F13A1: variants seen among roughly 807,000 people sequenced by gnomAD.
The protein encoded by F13A1 is FSF, A subunit.
F13A1 carries 47 observed loss-of-function variants against 80.1 expected under a neutral mutation model. That is an observed-to-expected ratio of 0.59 (90% CI 0.46 to 0.75). The LOEUF is 0.75. F13A1 is among the 30% of genes least tolerant of loss of function. The pLI is 0.00. For synonymous variants in F13A1, 349 were observed against 344.9 expected (o/e 1.01, Z -0.13); for missense variants, 817 against 930.4 (o/e 0.88, Z 1.59).
chr6:6,152,074 G>A (rs778134349), intron 13 of F13A1, 125 bp from the exon 14 acceptor site: 408 of 1,122,196 alleles, frequency 3.6e-4, no homozygotes, highest in Non-Finnish European at 4.5e-4. Flanking sequence ...TGGAACCAGT[G>A]TGATGAGGAT....
intron 8 of F13A1, among the ~76,000 whole-genome samples, chr6:6,204,879 T>TAAC (rs1332227760): frequency 6.6e-6 from 1 of 152,214 alleles, no homozygotes; most frequent in African/African-American, 2.4e-5. Context: ...ATTTGGATGT[T>TAAC]AACTGGCGTC....
chr6:6,217,164 C>T (rs1757105220), intron 8 of F13A1, among the ~76,000 whole-genome samples: 1 of 151,008 alleles, frequency 6.6e-6, no homozygotes, highest in Admixed American at 6.6e-5. Flanking sequence ...TTGACCCAGC[C>T]ATCCCATTAC....
chr6:6,290,748 G>A (rs1347207561), intron 3 of F13A1, among the ~76,000 whole-genome samples: 8 of 152,110 alleles, frequency 5.3e-5, no homozygotes, highest in East Asian at 1.9e-4. Flanking sequence ...AAATAAACAC[G>A]TTGATCATCA....
intron 3 of F13A1, among the ~76,000 whole-genome samples, chr6:6,290,138 A>G (rs549815903): frequency 3.9e-5 from 6 of 152,388 alleles, no homozygotes; most frequent in African/African-American, 1.4e-4. Context: ...AAAAGAAAAT[A>G]AATAGGCTTT....
chr6:6,145,606 G>GC lies in F13A1; in HGVS notation c.*12dup. 1 of 1,614,074 alleles carries GC rather than the reference G, an allele frequency of 6.2e-7. No individual in the cohort carries two copies. Among genetic ancestry groups the GC allele is most frequent in the Non-Finnish European group, 8.5e-7 (1 of 1,179,962 alleles). ...AGGCCAAATGCCAGGGTTCATCTCA[G>GC]CTTCCTGTGCATTCACATGGAAGGT... On this transcript the variant is annotated 3_prime_UTR_variant, in exon 15 of 15. Coordinates refer to ENST00000264870, the MANE Select transcript of F13A1 (RefSeq NM_000129.4).
chr6:6,273,478 A>G (rs1018931713), intron 3 of F13A1, among the ~76,000 whole-genome samples: 3 of 152,150 alleles, frequency 2.0e-5, no homozygotes, highest in African/African-American at 4.8e-5. Flanking sequence ...GGTGTTTTCC[A>G]TTCTTATATA....
Position 6,151,874 on chromosome 6 carries a change from G to A in F13A1, c.1984C>T (p.Arg662Ter), listed in dbSNP as rs267606789. The change falls in exon 14 of 15, where the codon CGA becomes TGA. Residue 662 changes from arginine to a stop codon, truncating the protein, a stop_gained. Transcript: ENST00000264870. LOFTEE classifies it high-confidence loss of function. ...EFTNPLKETLRNVWVHLDGPG... is the reference protein window; with the variant it reads ...EFTNPLKETL Reference sequence around the variant, plus strand: ...CCATCCAGGTGTACCCAGACATTTCGCAGGGTTTCTTTTAAAGGATTGGTA... The same window carrying A: ...CCATCCAGGTGTACCCAGACATTTCACAGGGTTTCTTTTAAAGGATTGGTA... The A allele has an allele frequency of 8.4e-5, 136 of 1,613,880 alleles. No homozygotes were observed. The highest frequency in any genetic ancestry group is 8.0e-5 in the African/African-American group (6 of 74,892).
intron 14 of F13A1, among the ~76,000 whole-genome samples, chr6:6,148,263 G>T (rs554778665): frequency 6.6e-6 from 1 of 152,324 alleles, no homozygotes; most frequent in Admixed American, 6.5e-5. Flanking sequence ...GGCAGTGGGG[G>T]AAGAGCAGGA....
intron 13 of F13A1, among the ~76,000 whole-genome samples, chr6:6,164,846 C>A (rs1318609930): frequency 2.6e-5 from 4 of 151,200 alleles, no homozygotes. Flanking sequence ...CTCCCTTCCC[C>A]TCCCTCCTTC....
intron 12 of F13A1, among the ~76,000 whole-genome samples, chr6:6,172,683 T>C (rs981243305): frequency 2.0e-5 from 3 of 151,916 alleles, no homozygotes; most frequent in Non-Finnish European, 4.4e-5. Flanking sequence ...CTGACCTCAG[T>C]TGATCCACCC....
intron 2 of F13A1, among the ~76,000 whole-genome samples, chr6:6,307,047 C>T (rs929809062): frequency 6.6e-6 from 1 of 152,188 alleles, no homozygotes; most frequent in African/African-American, 2.4e-5. Context: ...GGTACTTTAC[C>T]TTTCAGAATC....
intron 3 of F13A1, among the ~76,000 whole-genome samples, chr6:6,294,736 A>T (rs796422899): frequency 3.3e-5 from 5 of 151,002 alleles, no homozygotes; most frequent in African/African-American, 1.2e-4. Context: ...TCTTTTTTTA[A>T]AAATTTATTT....
rs940065755 is a variant in F13A1 at position 6,243,217 on chromosome 6, C to A, written c.798+5095G>T. Among the ~76,000 whole-genome samples, 2 of 151,674 alleles carry A rather than the reference C, an allele frequency of 1.3e-5. No individual in the cohort carries two copies. Among genetic ancestry groups the A allele is most frequent in the Non-Finnish European group, 2.9e-5 (2 of 67,902 alleles). On this transcript the variant is annotated intron_variant, in intron 6 of 14. Coordinates refer to ENST00000264870, the MANE Select transcript of F13A1 (RefSeq NM_000129.4). This position sits in a 1 kb window ranked among gnomAD's most constrained non-coding sequence, Gnocchi z 4.2. ...ACCACCATCACTCCTACCATCACCA[C>A]CACCATCACCGTCACCATCTCCACC...
intron 4 of F13A1, among the ~76,000 whole-genome samples, chr6:6,260,015 G>A (rs1561671221): frequency 6.6e-6 from 1 of 152,156 alleles, no homozygotes; most frequent in Non-Finnish European, 1.5e-5. Context: ...TTCCTGAGTA[G>A]TTAGAAAAAC....
rs140430452 is a variant in F13A1 at position 6,235,990 on chromosome 6, A to G, written c.799-11130T>C. The stretch of plus-strand genomic sequence containing the variant: ...ATAAAGAGGAATGAACTACTGAAAC[A>G]AAAAACAGCATGGATGAAGCTCAGA... On this transcript the variant is annotated intron_variant, in intron 6 of 14. Transcript: ENST00000264870. 1.7e-4 allele frequency among the ~76,000 whole-genome samples: 26 copies of G among 152,284 alleles called. No individual in the cohort carries two copies. In the East Asian group the frequency reaches 4.8e-3, roughly 28 times the overall value.
intron 9 of F13A1, 32 bp from the exon 10 acceptor site, chr6:6,195,917 T>C: frequency 6.3e-7 from 1 of 1,593,342 alleles, no homozygotes; most frequent in South Asian, 1.1e-5. Flanking sequence ...CGGTGTGAGT[T>C]TGTCATCTCC....
chr6:6,268,645 T>C (rs1489931308), intron 3 of F13A1, among the ~76,000 whole-genome samples: 1 of 152,124 alleles, frequency 6.6e-6, no homozygotes, highest in Admixed American at 6.5e-5. Context: ...TAATGAAAGC[T>C]TTATGCTTAG....
At chr6:6,248,217 TA>T in intron 6 of F13A1, 94 bp downstream of exon 6, 1 of 979,862 alleles carries the variant, frequency 1.0e-6, no homozygotes, top group Non-Finnish European at 1.6e-6. Flanking sequence ...TTATTAAGTG[TA>T]AGTCATCATT....
chr6:6,274,475 G>T (rs1226064321), intron 3 of F13A1, among the ~76,000 whole-genome samples: 2 of 152,150 alleles, frequency 1.3e-5, no homozygotes, highest in African/African-American at 2.4e-5. Context: ...CACTTAGATG[G>T]CTAACCAAGG....
Sources: allele counts gnomAD v4.1 joint callset (sites outside exome capture counted in the v4.1 genomes callset), GRCh38; gene constraint gnomAD v4.1.1; non-coding constraint Gnocchi (gnomAD v3.1); transcripts MANE v1.5; gene names NCBI Gene and HGNC (gene_info 2026-07-23, HGNC 2026-07-21).